The following CNOT4 variants were observed in gnomAD, a reference collection of about 807,000 sequenced individuals.
CNOT4 encodes the protein CCR4-NOT transcription complex subunit 4.
A neutral mutation model predicts 73.8 loss-of-function variants in CNOT4; 8 were observed. That is an observed-to-expected ratio of 0.11 (90% CI 0.06 to 0.20). CNOT4 has a LOEUF of 0.20. Among genes scored for constraint, CNOT4 ranks in the 10% least tolerant of loss-of-function variants. CNOT4 has a pLI of 1.00. For missense variants in CNOT4, 564 were observed against 883.4 expected, an observed-to-expected ratio of 0.64 and a Z score of 4.58; for synonymous variants, 293 against 321.1, an observed-to-expected ratio of 0.91 and a Z score of 0.94.
chr7:135,452,367 C>T (rs1359635797), intron 1 of CNOT4, among the ~76,000 whole-genome samples: 1 of 152,140 alleles, frequency 6.6e-6, no homozygotes, highest in Non-Finnish European at 1.5e-5. Flanking sequence ...GTCAGGAGTT[C>T]GAGACCAGCC....
At chr7:135,473,596 A>AG (rs1231708293) in intron 1 of CNOT4, among the ~76,000 whole-genome samples, 20 of 152,178 alleles carry the variant, frequency 1.3e-4, no homozygotes, top group African/African-American at 4.8e-4. Flanking sequence ...AAAATATAAA[A>AG]ATCAGCCAGG....
intron 1 of CNOT4, among the ~76,000 whole-genome samples, chr7:135,439,933 C>T (rs938275641): frequency 1.3e-5 from 2 of 149,766 alleles, no homozygotes; most frequent in African/African-American, 4.9e-5. Context: ...TCTAATACTG[C>T]AATTTTAAAA....
intron 1 of CNOT4, among the ~76,000 whole-genome samples, chr7:135,482,947 A>T (rs900921997): frequency 4.7e-5 from 7 of 147,746 alleles, no homozygotes; most frequent in African/African-American, 1.8e-4. Context: ...GACCATGCCA[A>T]TGCACTTCAG....
At chr7:135,482,073 G>C (rs556592353) in intron 1 of CNOT4, among the ~76,000 whole-genome samples, 1 of 152,070 alleles carries the variant, frequency 6.6e-6, no homozygotes, top group Non-Finnish European at 1.5e-5. Flanking sequence ...TTTCAAAGTA[G>C]CTAGAAGAAA....
chr7:135,427,993 G>C (rs12540773), intron 2 of CNOT4, among the ~76,000 whole-genome samples: 1 of 151,948 alleles, frequency 6.6e-6, no homozygotes, highest in African/African-American at 2.4e-5. Context: ...ACCTCCAAAC[G>C]GTGGGCTCAG....
Position 135,362,574 on chromosome 7 carries a change from CAACA to C in CNOT4, c.*307_*310del, listed in dbSNP as rs962050612. ...AAGCAGATTATGTCATTATTATGCG[CAACA>C]GACAAACAATAATTTTCTAAGTATT... On this transcript the variant is annotated 3_prime_UTR_variant, in exon 12 of 12. Coordinates refer to ENST00000541284, the MANE Select transcript of CNOT4 (RefSeq NM_001190850.2). 4 of 477,468 alleles carry C rather than the reference CAACA, an allele frequency of 8.4e-6. No individual in the cohort carries two copies. Among genetic ancestry groups the C allele is most frequent in the African/African-American group, 5.9e-5 (3 of 51,042 alleles). 29.6% of individuals were successfully genotyped at this position (477,468 alleles called of 1,614,324 possible). A position where few individuals can be genotyped will look rare whatever the true frequency, so the allele number is the denominator to read the frequency against.
intron 1 of CNOT4, 35 bp downstream of exon 1, chr7:135,509,853 CG>C: frequency 2.5e-6 from 1 of 393,254 alleles, no homozygotes; most frequent in Non-Finnish European, 4.5e-6. Flanking sequence ...CGGTCAGCCC[CG>C]GGTTTCCCCT....
At position 135,394,056 on chromosome 7, in the gene CNOT4, G is replaced by A. The variant is rs139835045; in HGVS notation, c.1489C>T (p.Arg497Cys). The A allele has an allele frequency of 2.5e-5, 41 of 1,614,168 alleles. No homozygotes were observed. The highest frequency in any genetic ancestry group is 3.2e-5 in the Non-Finnish European group (38 of 1,180,018). Residue 497 changes from arginine (R) to cysteine (C), a missense_variant, in exon 10 of 12, where the codon CGC becomes TGC. Physicochemically the swap from Arg to Cys is radical, Grantham distance 180. Around this residue, in one of 10 missense-constraint regions of CNOT4, gnomAD observed 153 missense variants for 158.7 expected, o/e 0.96. Transcript: ENST00000541284. ...NSFSFPGQAA[R>C]YPWMAFPRNS... ...CGTGGAAAGGCCATCCAAGGATAGC[G>A]GGCTGCCTGGCCTGGAAAACTGAAT...
chr7:135,450,510 C>T (rs1800093038), intron 1 of CNOT4, among the ~76,000 whole-genome samples: 2 of 152,084 alleles, frequency 1.3e-5, no homozygotes, highest in African/African-American at 4.8e-5. Flanking sequence ...CACACCACCA[C>T]GCCTGGCTAA....
intron 2 of CNOT4, among the ~76,000 whole-genome samples, chr7:135,428,797 ATTTT>A (rs1798657460): frequency 6.6e-6 from 1 of 152,184 alleles, no homozygotes; most frequent in Non-Finnish European, 1.5e-5. Context: ...TAATAGCTTA[ATTTT>A]TATCTTGAAC....
intron 3 of CNOT4, among the ~76,000 whole-genome samples, chr7:135,419,028 A>G (rs552674505): frequency 6.6e-6 from 1 of 152,298 alleles, no homozygotes; most frequent in Admixed American, 6.5e-5. Context: ...TAGGTATTCA[A>G]GAATTAATTT....
At chr7:135,479,490 T>A (rs1010653908) in intron 1 of CNOT4, among the ~76,000 whole-genome samples, 1 of 151,934 alleles carries the variant, frequency 6.6e-6, no homozygotes. Context: ...ATTACAGGCA[T>A]GAGCCACCGC....
chr7:135,362,812 G>T lies in CNOT4; in HGVS notation c.*73C>A. 1.5e-6 allele frequency: 2 copies of T among 1,327,414 alleles called. No homozygotes were observed. The highest frequency in any genetic ancestry group is 2.2e-6 in the Non-Finnish European group (2 of 918,782). The allele number at this position is 1,327,414 out of a possible 1,614,324, so 82.2% of individuals were successfully genotyped here. A position where few individuals can be genotyped will look rare whatever the true frequency, so the allele number is the denominator to read the frequency against. ...GAACATAAGAGATGAGAAGGGAGCT[G>T]TGGGTGGTGGGCTGAGAGGGAGAAA... On this transcript the variant is annotated 3_prime_UTR_variant, in exon 12 of 12. Coordinates refer to ENST00000541284, the MANE Select transcript of CNOT4 (RefSeq NM_001190850.2).
chr7:135,410,433 T>G, intron 7 of CNOT4, 82 bp downstream of exon 7: 1 of 919,856 alleles, frequency 1.1e-6, no homozygotes, highest in South Asian at 2.4e-5. Flanking sequence ...AACAAGGATT[T>G]TGCCTGAAAA....
At chr7:135,505,345 C>G (rs1278722621) in intron 1 of CNOT4, among the ~76,000 whole-genome samples, 7 of 152,050 alleles carry the variant, frequency 4.6e-5, no homozygotes, top group South Asian at 2.1e-4. Flanking sequence ...ACGAGGTCAG[C>G]AGTTCGAGAA....
intron 7 of CNOT4, among the ~76,000 whole-genome samples, chr7:135,402,056 C>CT (rs904246611): frequency 6.4e-4 from 96 of 151,066 alleles, no homozygotes; most frequent in Non-Finnish European, 9.6e-4. Context: ...TAATTTTTTC[C>CT]TTTTTTTTAA....
At chr7:135,451,915 C>T (rs1412427935) in intron 1 of CNOT4, among the ~76,000 whole-genome samples, 4 of 152,116 alleles carry the variant, frequency 2.6e-5, no homozygotes, top group African/African-American at 9.7e-5. Context: ...ATTATATGCT[C>T]CCAAAACTGT....
chr7:135,438,451 T>A (rs781490627), intron 1 of CNOT4, 28 bp from the exon 2 acceptor site: 50 of 701,860 alleles, frequency 7.1e-5, no homozygotes, highest in Non-Finnish European at 9.8e-5. Context: ...AAATACATTG[T>A]TTACTACTGG....
intron 8 of CNOT4, among the ~76,000 whole-genome samples, chr7:135,397,163 TATA>T (rs1487730449): frequency 1.3e-5 from 2 of 152,068 alleles, no homozygotes; most frequent in East Asian, 3.8e-4. Context: ...GATAAAACTC[TATA>T]ATAACAGAAA....
Sources: allele counts gnomAD v4.1 joint callset (sites outside exome capture counted in the v4.1 genomes callset), GRCh38; gene constraint gnomAD v4.1.1; regional missense constraint gnomAD v4.1.1; transcripts MANE v1.5; gene names NCBI Gene and HGNC (gene_info 2026-07-23, HGNC 2026-07-21).